The following ELMO1 variants were observed in gnomAD, a reference collection of about 807,000 sequenced individuals.
ELMO1 encodes engulfment and cell motility 1.
ELMO1 carries 26 observed loss-of-function variants against 98.9 expected under a neutral mutation model. The ratio of observed to expected loss-of-function variants is 0.26; its 90% CI spans 0.19 to 0.36. The LOEUF (loss-of-function observed/expected upper bound fraction) is 0.36, where lower values mean the gene tolerates loss of function less well. ELMO1 is among the 10% of genes least tolerant of loss of function. The pLI is 1.00. For missense variants in ELMO1, 627 were observed against 935.2 expected (o/e 0.67, Z 4.30); for synonymous variants, 346 against 346.0 (o/e 1.00, Z 0.00).
intron 14 of ELMO1, among the ~76,000 whole-genome samples, chr7:37,126,652 A>G (rs1298394163): frequency 1.3e-5 from 2 of 152,234 alleles, no homozygotes; most frequent in Non-Finnish European, 2.9e-5. Context: ...GGAAACAAGG[A>G]AACTCTCAAG....
chr7:37,267,060 C>T (rs1336716535), intron 5 of ELMO1, among the ~76,000 whole-genome samples: 37 of 142,908 alleles, frequency 2.6e-4, no homozygotes, highest in African/African-American at 5.0e-4. Context: ...CACACACACA[C>T]ACACACACAC....
intron 13 of ELMO1, among the ~76,000 whole-genome samples, chr7:37,143,635 G>A (rs557893181): frequency 1.7e-4 from 26 of 151,434 alleles, no homozygotes; most frequent in Admixed American, 5.3e-4. Context: ...TCGAACTCCT[G>A]ACCTCAAGTG....
intron 16 of ELMO1, among the ~76,000 whole-genome samples, chr7:36,906,824 A>G (rs1186319900): frequency 3.9e-5 from 6 of 152,182 alleles, no homozygotes; most frequent in Non-Finnish European, 8.8e-5. Flanking sequence ...ACAAATTATA[A>G]GAGTAGATCT....
At chr7:37,230,482 G>A (rs1033399089) in intron 8 of ELMO1, among the ~76,000 whole-genome samples, 1 of 152,148 alleles carries the variant, frequency 6.6e-6, no homozygotes, top group Non-Finnish European at 1.5e-5. Flanking sequence ...GACCAAGGAC[G>A]CCCACTCACT....
At position 37,292,154 on chromosome 7, in the gene ELMO1, T is replaced by C; in HGVS notation, c.193-20272A>G. On this transcript the variant is annotated intron_variant, in intron 4 of 21. Coordinates refer to ENST00000310758, the MANE Select transcript of ELMO1 (RefSeq NM_014800.11). ...TGGTGGAGATGGGGATTCGCTGTGTTGGCCGGGCTGGTCTCCAGCTCCTAA... is the reference window on the plus strand; with the variant it reads ...TGGTGGAGATGGGGATTCGCTGTGTCGGCCGGGCTGGTCTCCAGCTCCTAA... Among the ~76,000 whole-genome samples the C allele has an allele frequency of 1.6e-5, 2 of 122,646 alleles. 1 individual carries two copies. 80.5% of individuals were successfully genotyped at this position (122,646 alleles called of 152,430 possible).
Position 37,233,134 on chromosome 7 carries a change from T to C in ELMO1, c.510A>G (p.Ile170Met), listed in dbSNP as rs771335798. 9 of 1,613,542 alleles carry C rather than the reference T, an allele frequency of 5.6e-6. No individual in the cohort carries two copies. In the Admixed American group the frequency reaches 1.5e-4, roughly 27 times the overall value. The part of the protein sequence containing the change: ...TAFVELMDHG[I>M]VSWDTFSVAF... ...CCACCGAAAATGTATCCCAGGACAC[T>C]ATGCCATGGTCCATCAGCTCAACGA... is the stretch of plus-strand genomic sequence containing the variant. Residue 170 changes from isoleucine to methionine, a missense_variant, in exon 8 of 22, where the codon ATA becomes ATG. Coordinates refer to ENST00000310758, the MANE Select transcript of ELMO1 (RefSeq NM_014800.11).
At chr7:37,230,598 A>G (rs1405340119) in intron 8 of ELMO1, among the ~76,000 whole-genome samples, 1 of 152,224 alleles carries the variant, frequency 6.6e-6, no homozygotes, top group Non-Finnish European at 1.5e-5. Context: ...GGGAATCAAA[A>G]GAGCTAATGT....
chr7:37,410,171 A>G (rs772803130), intron 1 of ELMO1, among the ~76,000 whole-genome samples: 9 of 152,240 alleles, frequency 5.9e-5, no homozygotes, highest in Non-Finnish European at 1.2e-4. Flanking sequence ...TTCTTTGCAT[A>G]GGCAGGATTA....
At chr7:36,861,808 C>T in intron 20 of ELMO1, 72 bp from the exon 21 acceptor site, 1 of 1,439,988 alleles carries the variant, frequency 6.9e-7, no homozygotes, top group Non-Finnish European at 9.8e-7. Flanking sequence ...CAAATGGCTG[C>T]ACATTGACCA....
intron 6 of ELMO1, among the ~76,000 whole-genome samples, chr7:37,253,555 C>A (rs1183223972): frequency 6.6e-6 from 1 of 152,066 alleles, no homozygotes; most frequent in Non-Finnish European, 1.5e-5. Flanking sequence ...GGGCGGGGAA[C>A]ATCACACACC....
intron 15 of ELMO1, among the ~76,000 whole-genome samples, chr7:37,096,414 A>G (rs1300112330): frequency 6.6e-6 from 1 of 152,186 alleles, no homozygotes; most frequent in East Asian, 1.9e-4. Context: ...CTCCATTCCC[A>G]TAGGTTTTAA....
chr7:36,978,594 C>G (rs144836645), intron 16 of ELMO1, among the ~76,000 whole-genome samples: 28 of 152,210 alleles, frequency 1.8e-4, no homozygotes, highest in African/African-American at 6.0e-4. Flanking sequence ...CTCAGCTATC[C>G]AGAAAGATTT....
At chr7:37,321,166 C>G (rs1367702007) in intron 2 of ELMO1, among the ~76,000 whole-genome samples, 3 of 152,196 alleles carry the variant, frequency 2.0e-5, no homozygotes, top group Non-Finnish European at 4.4e-5. Context: ...CTTGAAAACA[C>G]TAGCCTGGTA....
intron 14 of ELMO1, among the ~76,000 whole-genome samples, chr7:37,112,970 T>C (rs895902958): frequency 3.3e-5 from 5 of 152,220 alleles, no homozygotes; most frequent in African/African-American, 9.6e-5. Context: ...TCTGGTCACA[T>C]GAATCCTATT....
intron 15 of ELMO1, 28 bp downstream of exon 15, chr7:37,096,591 C>T: frequency 1.2e-6 from 2 of 1,602,372 alleles, no homozygotes; most frequent in Non-Finnish European, 1.7e-6. Context: ...GCCAGCTTCA[C>T]ACCCATGTGG....
At chr7:37,164,619 C>G (rs1398117648) in intron 13 of ELMO1, among the ~76,000 whole-genome samples, 22 of 152,008 alleles carry the variant, frequency 1.4e-4, no homozygotes, top group Admixed American at 3.9e-4. Flanking sequence ...TCTTGTTTTT[C>G]TCAGGTTTGT....
chr7:37,037,325 A>G (rs1218288314), intron 15 of ELMO1, among the ~76,000 whole-genome samples: 1 of 152,162 alleles, frequency 6.6e-6, no homozygotes, highest in Non-Finnish European at 1.5e-5. Context: ...ATAACCTTTC[A>G]TTTATTACAG....
At chr7:37,001,131 T>C (rs1459789613) in intron 16 of ELMO1, among the ~76,000 whole-genome samples, 2 of 152,176 alleles carry the variant, frequency 1.3e-5, no homozygotes, top group African/African-American at 4.8e-5. Context: ...GGCAAAATCA[T>C]TTCATAACTT....
intron 13 of ELMO1, among the ~76,000 whole-genome samples, chr7:37,193,175 T>A (rs1445564772): frequency 2.0e-5 from 3 of 151,720 alleles, no homozygotes; most frequent in Non-Finnish European, 1.5e-5. Flanking sequence ...CCTTGTAAAG[T>A]AAAAAATTCT....
Sources: allele counts gnomAD v4.1 joint callset (sites outside exome capture counted in the v4.1 genomes callset), GRCh38; gene constraint gnomAD v4.1.1; transcripts MANE v1.5; gene names NCBI Gene and HGNC (gene_info 2026-07-23, HGNC 2026-07-21).